Variants in DHRS2 observed in about 807,000 individuals in gnomAD.
The protein encoded by DHRS2 is dehydrogenase/reductase SDR family member 2, mitochondrial.
DHRS2 carries 29 observed loss-of-function variants against 26.3 expected under a neutral mutation model. The observed-to-expected ratio is 1.10, with a 90% CI of 0.82 to 1.50. The LOEUF is 1.50. DHRS2 is among the 40% of genes most tolerant of loss of function. The probability of loss-of-function intolerance (pLI) is 0.00; values close to 1 mark genes in which losing one functional copy is unlikely to be tolerated. For synonymous variants in DHRS2, 164 were observed against 151.3 expected (o/e 1.08, Z -0.62); for missense variants, 439 against 367.1 (o/e 1.20, Z -1.60).
upstream of DHRS2, among the ~76,000 whole-genome samples, chr14:23,631,498 C>T (rs1890117326): frequency 6.6e-6 from 1 of 152,142 alleles, no homozygotes; most frequent in African/African-American, 2.4e-5. Flanking sequence ...ATATTTCTAA[C>T]TCTTCCATGT....
rs1890812934 is a variant in DHRS2, at chr14:23,644,868, T to C, written c.717T>C (p.His239=). 1 of 1,614,092 alleles carries C rather than the reference T, an allele frequency of 6.2e-7. No individual in the cohort carries two copies. The highest frequency in any genetic ancestry group is 1.7e-5 in the Admixed American group (1 of 60,010). The change falls in exon 8 of 9, where the codon CAT becomes CAC. Residue 239 remains histidine (H), a synonymous_variant. Coordinates refer to ENST00000250383, the MANE Select transcript of DHRS2 (RefSeq NM_005794.4). ...NESLWKNFKE[H]HQLQRIGESE... Reference sequence around the variant, plus strand: ...CTCTCTGGAAGAACTTCAAGGAACATCATCAGCTGCAGAGGCAAGTGGGGT... The same window carrying C: ...CTCTCTGGAAGAACTTCAAGGAACACCATCAGCTGCAGAGGCAAGTGGGGT...
chr14:23,642,617 A>T (rs1451590120), intron 4 of DHRS2: 1 of 153,588 alleles, frequency 6.5e-6, no homozygotes, highest in Admixed American at 6.5e-5. Flanking sequence ...CCCAGGCTGG[A>T]GTGCAGTGGC....
intron 2 of DHRS2, 52 bp from the exon 3 acceptor site, chr14:23,639,127 G>A: frequency 1.2e-6 from 2 of 1,602,786 alleles, no homozygotes; most frequent in Non-Finnish European, 1.7e-6. Flanking sequence ...GGTAGAGGAA[G>A]GACAGTGGAG....
rs375787784 is a variant in DHRS2 at position 23,639,370 on chromosome 14, C to A, written c.318+14C>A. On this transcript the variant is annotated intron_variant, in intron 3 of 8. Transcript: ENST00000250383. Reference sequence around the variant, plus strand: ...CTGGTGGCCAAGGTGAGGGGGCAGGCGGTGGAAGGACACAGAGAGGGGAAC... The same window carrying A: ...CTGGTGGCCAAGGTGAGGGGGCAGGAGGTGGAAGGACACAGAGAGGGGAAC... The A allele has an allele frequency of 3.2e-6, 5 of 1,554,718 alleles. No homozygotes were observed. In the Admixed American group the frequency reaches 9.8e-5, roughly 30 times the overall value.
At chr14:23,634,216 C>T (rs1287397127), upstream of DHRS2, among the ~76,000 whole-genome samples, 4 of 151,938 alleles carry the variant, frequency 2.6e-5, no homozygotes, top group Admixed American at 6.6e-5. Flanking sequence ...TATAGGCATG[C>T]GCCACCACAC....
intron 4 of DHRS2, 123 bp from the exon 5 acceptor site, chr14:23,643,029 T>C (rs1692812811): frequency 3.3e-6 from 3 of 905,250 alleles, no homozygotes; most frequent in Admixed American, 2.0e-5. Context: ...GGGGATTGGT[T>C]TCTCTTATAT....
chr14:23,639,215 C>A lies in DHRS2; in HGVS notation c.177C>A (p.Asp59Glu). The A allele has an allele frequency of 6.2e-7, 1 of 1,613,828 alleles. No homozygotes were observed. The highest frequency in any genetic ancestry group is 8.5e-7 in the Non-Finnish European group (1 of 1,179,922). ...GFAIARRLAR[D>E]GAHVVISSRK... Reference sequence around the variant, plus strand: ...CCATCGCCCGACGTCTGGCCCGGGACGGGGCCCACGTGGTCATCAGCAGCC... The same window carrying A: ...CCATCGCCCGACGTCTGGCCCGGGAAGGGGCCCACGTGGTCATCAGCAGCC... Residue 59 changes from aspartate (D) to glutamate (E), a missense_variant, in exon 3 of 9, where the codon GAC (aspartate) becomes GAA (glutamate). Physicochemically the swap from Asp to Glu is conservative, Grantham distance 45. Coordinates refer to ENST00000250383, the MANE Select transcript of DHRS2 (RefSeq NM_005794.4).
At chr14:23,632,748 A>G (rs970548368), upstream of DHRS2, among the ~76,000 whole-genome samples, 2 of 152,232 alleles carry the variant, frequency 1.3e-5, no homozygotes, top group African/African-American at 4.8e-5. Flanking sequence ...TGGAGTGGCC[A>G]GAGCATGTCT....
chr14:23,641,720 G>C (rs1459387899), intron 4 of DHRS2: 1 of 1,289,804 alleles, frequency 7.8e-7, no homozygotes, highest in Non-Finnish European at 1.0e-6. Flanking sequence ...GCAGTCATTG[G>C]GGGTCATCCC....
At chr14:23,641,751 C>T in intron 4 of DHRS2, 1 of 1,289,442 alleles carries the variant, frequency 7.8e-7, no homozygotes, top group Non-Finnish European at 1.0e-6. Flanking sequence ...AACCTGTCAT[C>T]AAATGGGCCA....
upstream of DHRS2, among the ~76,000 whole-genome samples, chr14:23,636,071 G>C (rs1218868736): frequency 2.0e-5 from 3 of 152,162 alleles, no homozygotes; most frequent in East Asian, 3.8e-4. Flanking sequence ...CTAGCTAAAG[G>C]TTTGTAAATG....
intron 8 of DHRS2, 76 bp downstream of exon 8, chr14:23,644,958 C>T (rs1890817245): frequency 6.4e-7 from 1 of 1,573,134 alleles, no homozygotes; most frequent in Non-Finnish European, 8.7e-7. Flanking sequence ...AGAGCAGACC[C>T]CTCCCTGTCA....
chr14:23,639,751 C>G, intron 3 of DHRS2, 43 bp from the exon 4 acceptor site: 3 of 1,550,818 alleles, frequency 1.9e-6, no homozygotes, highest in South Asian at 2.5e-5. Flanking sequence ...AGGGATAGTC[C>G]TCCTCAGGCC....
At chr14:23,640,130 T>C (rs929583938) in intron 4 of DHRS2, 16 of 717,860 alleles carry the variant, frequency 2.2e-5, no homozygotes, top group Non-Finnish European at 3.0e-5. Flanking sequence ...TCTCTTCTCA[T>C]CACTTTTTCA....
At chr14:23,643,425 C>T (rs1199382608) in intron 5 of DHRS2, 2 of 569,018 alleles carry the variant, frequency 3.5e-6, no homozygotes, top group African/African-American at 3.8e-5. Flanking sequence ...ATTCCAGGGG[C>T]CCAGGCATAG....
chr14:23,633,529 C>G (rs146572946), upstream of DHRS2, among the ~76,000 whole-genome samples: 387 of 152,272 alleles, frequency 2.5e-3, 2 homozygotes, highest in Non-Finnish European at 1.8e-3. Flanking sequence ...CAAAATCCTC[C>G]TCAGTCTTGC....
chr14:23,631,048 G>C (rs1243401067), intron 1 of DHRS2, among the ~76,000 whole-genome samples: 1 of 152,098 alleles, frequency 6.6e-6, no homozygotes, highest in Admixed American at 6.5e-5. Context: ...ATCTCTCTTG[G>C]ATCAGGAAAA....
Position 23,638,850 on chromosome 14 carries a change from C to CA in DHRS2, c.-14dup, listed in dbSNP as rs1566700074. 3 of 1,611,234 alleles carry CA rather than the reference C, an allele frequency of 1.9e-6. No homozygotes were observed. In the Admixed American group the frequency reaches 5.0e-5, roughly 27 times the overall value. On this transcript the variant is annotated 5_prime_UTR_variant, in exon 2 of 9. Transcript: ENST00000250383. Reference sequence around the variant, plus strand: ...AGGCCTGATTCAGCAGGAAGCATCTCAGACACCAACCACTATGCTGTCAGC... The same window carrying CA: ...AGGCCTGATTCAGCAGGAAGCATCTCAAGACACCAACCACTATGCTGTCAGC...
At position 23,644,401 on chromosome 14, in the gene DHRS2, C is replaced by T. The variant is rs781150542; in HGVS notation, c.541-8C>T. On this transcript the variant is annotated splice_region_variant and splice_polypyrimidine_tract_variant and intron_variant, in intron 6 of 8. Coordinates refer to ENST00000250383, the MANE Select transcript of DHRS2 (RefSeq NM_005794.4). Reference sequence around the variant, plus strand: ...ATATCCTAATCACTCTGTCAATTCCCTTCCCAGGCGCTGGGTGTCTACAAT... The same window carrying T: ...ATATCCTAATCACTCTGTCAATTCCTTTCCCAGGCGCTGGGTGTCTACAAT... 2.5e-6 allele frequency: 4 copies of T among 1,613,958 alleles called. No individual in the cohort carries two copies. Among genetic ancestry groups the T allele is most frequent in the Non-Finnish European group, 2.5e-6 (3 of 1,180,030 alleles).
Sources: gnomAD v4.1 joint callset for allele counts (sites outside exome capture counted in the v4.1 genomes callset) on GRCh38, gnomAD v4.1.1 for gene constraint, MANE v1.5 for transcripts, NCBI Gene and HGNC (gene_info 2026-07-23, HGNC 2026-07-21) for gene names.